COL21A1: variants seen among roughly 807,000 people sequenced by gnomAD.
COL21A1 encodes collagen type XXI alpha 1 chain.
Under a neutral mutation model 137.9 loss-of-function variants are expected in COL21A1, and 149 were observed. That is an observed-to-expected ratio of 1.08 (90% CI 0.95 to 1.24). COL21A1 has a LOEUF of 1.24. Ranked by LOEUF, COL21A1 falls within the 50% of genes most tolerant of loss-of-function variation. The pLI, the probability that COL21A1 is intolerant of heterozygous loss-of-function variation, is 0.00. For missense variants in COL21A1, 1,167 were observed against 1,158.4 expected, an observed-to-expected ratio of 1.01 and a Z score of -0.11; for synonymous variants, 456 against 391.5, an observed-to-expected ratio of 1.16 and a Z score of -1.95.
At chr6:56,188,778 G>C (rs1180188711) in intron 1 of COL21A1, among the ~76,000 whole-genome samples, 1 of 152,142 alleles carries the variant, frequency 6.6e-6, no homozygotes, top group Non-Finnish European at 1.5e-5. Flanking sequence ...CCCTGGAAAG[G>C]GGAAAGAACA....
intron 1 of COL21A1, among the ~76,000 whole-genome samples, chr6:56,365,586 T>A (rs1212908669): frequency 2.6e-5 from 4 of 152,264 alleles, no homozygotes; most frequent in African/African-American, 9.6e-5. Flanking sequence ...GGACATAAAT[T>A]CAGTGTTTAT....
At chr6:56,278,085 GC>G (rs1443185743) in intron 1 of COL21A1, among the ~76,000 whole-genome samples, 12 of 152,156 alleles carry the variant, frequency 7.9e-5, no homozygotes, top group African/African-American at 2.9e-4. Flanking sequence ...GATATTTTGT[GC>G]CACTTAGATT....
In COL21A1 at chr6:56,285,051, T is replaced by C. The variant is rs981431664; in HGVS notation, c.-38-102395A>G. On this transcript the variant is annotated intron_variant, in intron 1 of 28. Transcript: ENST00000370819. ...ATTTCCCTCCCTGCACTCTATTGAT[T>C]TTGGTGTTTATGTCCCCAATACTTC... is the stretch of plus-strand genomic sequence containing the variant. Among the ~76,000 whole-genome samples, 4 of 152,338 alleles carry C rather than the reference T, an allele frequency of 2.6e-5. No individual in the cohort carries two copies. The East Asian group carries it at 5.8e-4, about 22-fold the overall frequency.
chr6:56,117,982 G>C (rs1390560942), intron 16 of COL21A1, among the ~76,000 whole-genome samples: 2 of 151,246 alleles, frequency 1.3e-5, no homozygotes, highest in East Asian at 3.9e-4. Context: ...TCAAAAAAGA[G>C]AAAAAAACTT....
intron 1 of COL21A1, among the ~76,000 whole-genome samples, chr6:56,307,422 G>C (rs1182175796): frequency 1.3e-5 from 2 of 152,194 alleles, no homozygotes; most frequent in Non-Finnish European, 2.9e-5. Flanking sequence ...CTCAGCAATG[G>C]TGGGCACCCC....
chr6:56,182,623 C>T lies in COL21A1; in HGVS notation c.-5G>A. 6.3e-7 allele frequency: 1 copy of T among 1,589,328 alleles called. No individual in the cohort carries two copies. The highest frequency in any genetic ancestry group is 2.3e-5 in the East Asian group (1 of 44,398). ...AAATGTAATATAGTGAGCCATGTTT[C>T]TGTTTTCGTTCTAATATTTTGGTTT... is the stretch of plus-strand genomic sequence containing the variant. On this transcript the variant is annotated 5_prime_UTR_variant, in exon 2 of 30. Coordinates refer to ENST00000244728, the MANE Select transcript of COL21A1 (RefSeq NM_030820.4).
chr6:56,199,494 T>C (rs1779238287), intron 1 of COL21A1, among the ~76,000 whole-genome samples: 1 of 152,048 alleles, frequency 6.6e-6, no homozygotes, highest in African/African-American at 2.4e-5. Flanking sequence ...TTAAAGAACA[T>C]CCTTCTTAGT....
chr6:56,296,948 A>G (rs1289282904), intron 1 of COL21A1, among the ~76,000 whole-genome samples: 1 of 152,048 alleles, frequency 6.6e-6, no homozygotes, highest in African/African-American at 2.4e-5. Context: ...AACCCAAATT[A>G]GGCTCAACCT....
At chr6:56,199,415 T>C (rs747998193) in intron 1 of COL21A1, among the ~76,000 whole-genome samples, 36 of 152,222 alleles carry the variant, frequency 2.4e-4, no homozygotes, top group South Asian at 8.3e-4. Flanking sequence ...ATATGGAATA[T>C]ATAGTAGGCT....
intron 12 of COL21A1, among the ~76,000 whole-genome samples, chr6:56,140,536 A>G (rs1316041471): frequency 6.6e-6 from 1 of 152,194 alleles, no homozygotes; most frequent in African/African-American, 2.4e-5. Context: ...GATACCTGGA[A>G]AAGTATCCTG....
intron 1 of COL21A1, among the ~76,000 whole-genome samples, chr6:56,262,255 A>G (rs1174527457): frequency 6.6e-6 from 1 of 152,214 alleles, no homozygotes; most frequent in Admixed American, 6.5e-5. Flanking sequence ...AAATTCTTAA[A>G]TAATCCTTCT....
chr6:56,308,176 C>G (rs1033630536), intron 1 of COL21A1, among the ~76,000 whole-genome samples: 1 of 152,006 alleles, frequency 6.6e-6, no homozygotes, highest in Non-Finnish European at 1.5e-5. Context: ...TGGTAACAGC[C>G]CATAAAGAAT....
At chr6:56,250,916 T>C (rs1782839047), upstream of COL21A1, among the ~76,000 whole-genome samples, 1 of 152,228 alleles carries the variant, frequency 6.6e-6, no homozygotes. Context: ...AAAAAGAATA[T>C]ACTTGCCAAG....
At chr6:56,087,219 T>A (rs1231921341) in intron 17 of COL21A1, among the ~76,000 whole-genome samples, 2 of 152,226 alleles carry the variant, frequency 1.3e-5, no homozygotes, top group Admixed American at 6.5e-5. Context: ...TCAGGCTTCA[T>A]GGCTTTTTCT....
rs1042214908 is a variant in COL21A1, at chr6:56,143,253, T to G, written c.1435-1270A>C. 4.7e-4 allele frequency among the ~76,000 whole-genome samples: 69 copies of G among 146,868 alleles called. No homozygotes were observed. The East Asian group carries it at 6.4e-3, about 14-fold the overall frequency. Reference sequence around the variant, plus strand: ...TCTCACTCTGTCACTCAGACTGGAGTGCAGTGGTGCAATCTCGGCTCACTA... The same window carrying G: ...TCTCACTCTGTCACTCAGACTGGAGGGCAGTGGTGCAATCTCGGCTCACTA... On this transcript the variant is annotated intron_variant, in intron 10 of 29. Coordinates refer to ENST00000244728, the MANE Select transcript of COL21A1 (RefSeq NM_030820.4).
chr6:56,092,831 T>C (rs915321574), intron 17 of COL21A1, among the ~76,000 whole-genome samples: 1 of 152,228 alleles, frequency 6.6e-6, no homozygotes, highest in Non-Finnish European at 1.5e-5. Context: ...CAGAATTTTA[T>C]TCCCTCACAG....
chr6:56,276,552 A>C (rs1763660343), intron 1 of COL21A1: 1 of 1,336,304 alleles, frequency 7.5e-7, no homozygotes, highest in Non-Finnish European at 1.1e-6. Flanking sequence ...TATACTTCAA[A>C]TTTGTACTTA....
chr6:56,317,769 T>G (rs1490489458), intron 1 of COL21A1, among the ~76,000 whole-genome samples: 2 of 152,190 alleles, frequency 1.3e-5, no homozygotes, highest in Non-Finnish European at 2.9e-5. Context: ...GCAGTAGATA[T>G]GCGACCATTC....
intron 16 of COL21A1, among the ~76,000 whole-genome samples, chr6:56,114,625 A>G (rs74389857): frequency 8.7e-6 from 1 of 115,552 alleles, no homozygotes; most frequent in Non-Finnish European, 1.9e-5. Flanking sequence ...ACAATGAGAT[A>G]CCATCTCACA....
Sources: gnomAD v4.1 joint callset for allele counts (sites outside exome capture counted in the v4.1 genomes callset) on GRCh38, gnomAD v4.1.1 for gene constraint, MANE v1.5 for transcripts, NCBI Gene and HGNC (gene_info 2026-07-23, HGNC 2026-07-21) for gene names.